IQGAP2: variants seen among roughly 807,000 people sequenced by gnomAD.
IQGAP2 encodes IQ motif containing GTPase activating protein 2, also known as ras GTPase-activating-like protein IQGAP2.
A neutral mutation model predicts 201.3 loss-of-function variants in IQGAP2; 173 were observed. That is an observed-to-expected ratio of 0.86 (90% CI 0.76 to 0.98). The LOEUF is 0.98. Among genes scored for constraint, IQGAP2 ranks in the 50% least tolerant of loss-of-function variants. The pLI, the probability that IQGAP2 is intolerant of heterozygous loss-of-function variation, is 0.00. For synonymous variants in IQGAP2, 675 were observed against 673.9 expected (o/e 1.00, Z -0.03); for missense variants, 1,687 against 1,864.8 (o/e 0.90, Z 1.76).
chr5:76,436,507 ATATAT>A (rs1752686145), intron 1 of IQGAP2, among the ~76,000 whole-genome samples: 1 of 24,848 alleles, frequency 4.0e-5, no homozygotes, highest in East Asian at 1.1e-3. Context: ...ATATATATAT[ATATAT>A]ATATATTTTT....
At chr5:76,451,031 A>G (rs1243870475) in intron 1 of IQGAP2, among the ~76,000 whole-genome samples, 1 of 152,064 alleles carries the variant, frequency 6.6e-6, no homozygotes, top group East Asian at 1.9e-4. Flanking sequence ...TGTTATATTA[A>G]ACTTCTCTTC....
At chr5:76,459,041 TG>T (rs1754268321) in intron 1 of IQGAP2, among the ~76,000 whole-genome samples, 1 of 152,194 alleles carries the variant, frequency 6.6e-6, no homozygotes, top group Non-Finnish European at 1.5e-5. Context: ...AAGTGCCCAC[TG>T]GGTCAAGCCT....
chr5:76,406,786 G>T (rs1750819187), intron 1 of IQGAP2, among the ~76,000 whole-genome samples: 1 of 151,984 alleles, frequency 6.6e-6, no homozygotes, highest in South Asian at 2.1e-4. Context: ...GACTACAGTG[G>T]GTCTCCAATG....
intron 13 of IQGAP2, among the ~76,000 whole-genome samples, chr5:76,620,163 A>T (rs1319280673): frequency 1.3e-5 from 2 of 152,206 alleles, no homozygotes; most frequent in African/African-American, 4.8e-5. Flanking sequence ...AAACGAATAT[A>T]GCCGTTATTT....
At chr5:76,506,931 A>T (rs1248479303) in intron 2 of IQGAP2, among the ~76,000 whole-genome samples, 2 of 152,206 alleles carry the variant, frequency 1.3e-5, no homozygotes, top group Non-Finnish European at 2.9e-5. Flanking sequence ...TTGTCAAGAT[A>T]CCAGTTCTTC....
At chr5:76,491,155 C>T (rs1173439488) in intron 2 of IQGAP2, among the ~76,000 whole-genome samples, 2 of 152,044 alleles carry the variant, frequency 1.3e-5, no homozygotes, top group African/African-American at 4.8e-5. Context: ...GTTGTCCTTG[C>T]TGTGTTTTAT....
chr5:76,496,738 TTTCTTTC>T (rs1756953224), intron 2 of IQGAP2, among the ~76,000 whole-genome samples: 1 of 39,588 alleles, frequency 2.5e-5, no homozygotes, highest in African/African-American at 1.1e-4. Flanking sequence ...TCTTTCTTTC[TTTCTTTC>T]TTTCTTTCTT....
intron 1 of IQGAP2, among the ~76,000 whole-genome samples, chr5:76,447,923 G>A (rs1264868894): frequency 6.6e-6 from 1 of 152,150 alleles, no homozygotes; most frequent in Non-Finnish European, 1.5e-5. Context: ...ACTTTGAGCT[G>A]TGCCCCCAAA....
chr5:76,578,022 T>A (rs544244961), intron 5 of IQGAP2, among the ~76,000 whole-genome samples: 2 of 152,328 alleles, frequency 1.3e-5, no homozygotes, highest in East Asian at 3.9e-4. Context: ...AAGTTAGCTC[T>A]TAGCCCTGAC....
At chr5:76,673,706 T>G (rs1744558791) in intron 25 of IQGAP2, 117 bp downstream of exon 25, 17 of 1,111,154 alleles carry the variant, frequency 1.5e-5, no homozygotes, top group South Asian at 3.0e-5. Context: ...TTTACTATTT[T>G]AAAAGATTGC....
At chr5:76,645,570 T>C (rs1231126671) in intron 17 of IQGAP2, among the ~76,000 whole-genome samples, 1 of 152,208 alleles carries the variant, frequency 6.6e-6, no homozygotes, top group African/African-American at 2.4e-5. Context: ...TATCTCATTG[T>C]GATTTTGATT....
intron 1 of IQGAP2, among the ~76,000 whole-genome samples, chr5:76,449,841 A>G (rs1162046524): frequency 6.6e-6 from 1 of 152,226 alleles, no homozygotes; most frequent in Non-Finnish European, 1.5e-5. Flanking sequence ...TACATACAGT[A>G]CCACGATCCA....
At chr5:76,455,444 ACT>A (rs1194457353) in intron 1 of IQGAP2, among the ~76,000 whole-genome samples, 1 of 130,724 alleles carries the variant, frequency 7.6e-6, no homozygotes, top group East Asian at 2.1e-4. Flanking sequence ...CAAGAGCGAG[ACT>A]CTGTCTCAAA....
At position 76,693,378 on chromosome 5, in the gene IQGAP2, T is replaced by C; in HGVS notation, c.3929T>C (p.Val1310Ala). Residue 1310 changes from valine to alanine, a missense_variant, in exon 31 of 36, where the codon GTG (valine) becomes GCG (alanine). Transcript: ENST00000274364. ...AGGACCAAGAAGCTGATAATTGATG[T>C]GATCCGGAACCAGCCAGGGAACACA... ...MIKTKKLIID[V>A]IRNQPGNTLT... The C allele has an allele frequency of 6.2e-7, 1 of 1,613,780 alleles. No individual in the cohort carries two copies.
chr5:76,475,409 G>A, intron 2 of IQGAP2, among the ~76,000 whole-genome samples: 1 of 152,152 alleles, frequency 6.6e-6, no homozygotes, highest in Non-Finnish European at 1.5e-5. Context: ...CATAGGTGTT[G>A]GGGCTCAGAC....
At chr5:76,490,909 T>C (rs1323814448) in intron 2 of IQGAP2, among the ~76,000 whole-genome samples, 1 of 152,012 alleles carries the variant, frequency 6.6e-6, no homozygotes, top group Non-Finnish European at 1.5e-5. Context: ...TTTAAAAGCA[T>C]ATTCCTTGGC....
chr5:76,636,879 G>A (rs866598572), intron 15 of IQGAP2, among the ~76,000 whole-genome samples, 155 bp from the exon 16 acceptor site: 4 of 152,168 alleles, frequency 2.6e-5, no homozygotes, highest in Non-Finnish European at 2.9e-5. Context: ...TAAATACATC[G>A]AATTCATTCC....
At chr5:76,597,751 G>A (rs771440616) in intron 10 of IQGAP2, 149 bp downstream of exon 10, 41 of 734,686 alleles carry the variant, frequency 5.6e-5, no homozygotes, top group Non-Finnish European at 8.6e-5. Context: ...CCAATTCCAA[G>A]GCCTTCTTCC....
At chr5:76,463,296 G>A (rs77888055) in intron 2 of IQGAP2, among the ~76,000 whole-genome samples, 7,749 of 152,142 alleles carry the variant, frequency 0.051, 230 homozygotes, top group South Asian at 0.15. Flanking sequence ...TCATGTAGAG[G>A]AAAATGATAT....
Sources: allele counts gnomAD v4.1 joint callset (sites outside exome capture counted in the v4.1 genomes callset), GRCh38; gene constraint gnomAD v4.1.1; transcripts MANE v1.5; gene names NCBI Gene and HGNC (gene_info 2026-07-23, HGNC 2026-07-21).